Variants in GRIK4 observed in about 807,000 individuals in gnomAD.
The protein encoded by GRIK4 is glutamate receptor ionotropic, kainate 4.
GRIK4 carries 40 observed loss-of-function variants against 104.9 expected under a neutral mutation model. The ratio of observed to expected loss-of-function variants is 0.38; its 90% CI spans 0.30 to 0.50. The LOEUF (loss-of-function observed/expected upper bound fraction) is 0.50, where lower values mean the gene tolerates loss of function less well. GRIK4 is among the 20% of genes least tolerant of loss of function. GRIK4 has a pLI of 0.93. For missense variants in GRIK4, 1,047 were observed against 1,308.1 expected, an observed-to-expected ratio of 0.80 and a Z score of 3.08; for synonymous variants, 485 against 524.9, an observed-to-expected ratio of 0.92 and a Z score of 1.04.
rs1446673011 is a variant in GRIK4 at position 120,644,044 on chromosome 11, T to TGTGTGAGA, written c.-158-9640_-158-9639insTGTGAGAG. Among the ~76,000 whole-genome samples the TGTGTGAGA allele has an allele frequency of 5.9e-4, 67 of 112,678 alleles. 1 individual carries two copies. The highest frequency in any genetic ancestry group is 2.5e-3 in the African/African-American group (65 of 26,350). The allele number at this position is 112,678 out of a possible 152,430, so 73.9% of individuals were successfully genotyped here. A position where few individuals can be genotyped will look rare whatever the true frequency, so the allele number is the denominator to read the frequency against. On this transcript the variant is annotated intron_variant, in intron 1 of 20. Transcript: ENST00000527524. ...GTGTGTGTGTGTGTGTGTGTGTGTG[T>TGTGTGAGA]GAGAGAGAGAGAGAGGAGAGAGAGA...
intron 9 of GRIK4, 77 bp from the exon 10 acceptor site, chr11:120,873,989 T>C: frequency 7.6e-7 from 1 of 1,308,008 alleles, no homozygotes; most frequent in Non-Finnish European, 1.1e-6. Context: ...TCCATTCCTC[T>C]TATTTTCTCC....
At chr11:120,899,045 G>A (rs1420338885) in intron 12 of GRIK4, among the ~76,000 whole-genome samples, 1 of 152,182 alleles carries the variant, frequency 6.6e-6, no homozygotes, top group East Asian at 1.9e-4. Context: ...ACCACATCCT[G>A]AAGCGGACAT....
chr11:120,741,833 C>A (rs558339147), intron 3 of GRIK4, among the ~76,000 whole-genome samples: 1 of 152,194 alleles, frequency 6.6e-6, no homozygotes, highest in Non-Finnish European at 1.5e-5. Flanking sequence ...TCATTCATTC[C>A]GACCAGCAAA....
At chr11:120,835,588 T>A (rs941451127) in intron 7 of GRIK4, among the ~76,000 whole-genome samples, 1 of 152,094 alleles carries the variant, frequency 6.6e-6, no homozygotes, top group Admixed American at 6.6e-5. Context: ...CCTTGGGAGA[T>A]GAACACTATG....
At chr11:120,838,122 T>A (rs1409425178) in intron 8 of GRIK4, among the ~76,000 whole-genome samples, 33 of 152,198 alleles carry the variant, frequency 2.2e-4, no homozygotes, top group Non-Finnish European at 8.8e-5. Flanking sequence ...GTACCACTAT[T>A]TCCCATTCAT....
chr11:120,985,821 T>TTCATCCC, intron 20 of GRIK4, 83 bp from the exon 21 acceptor site: 1 of 1,290,790 alleles, frequency 7.7e-7, no homozygotes, highest in South Asian at 1.3e-5. Context: ...CGCTGCCCCC[T>TTCATCCC]TCATCCCTCA....
At chr11:120,759,175 G>A (rs1278787013) in intron 3 of GRIK4, among the ~76,000 whole-genome samples, 1 of 152,204 alleles carries the variant, frequency 6.6e-6, no homozygotes, top group African/African-American at 2.4e-5. Flanking sequence ...GCAAGAGCTG[G>A]GGAGTGGAGA....
intron 1 of GRIK4, among the ~76,000 whole-genome samples, chr11:120,628,418 C>T (rs990430072): frequency 6.6e-6 from 1 of 152,216 alleles, no homozygotes; most frequent in Non-Finnish European, 1.5e-5. Context: ...AAGGATGTGA[C>T]TCTTGACCTG....
intron 3 of GRIK4, among the ~76,000 whole-genome samples, chr11:120,763,289 T>TC (rs1951780144): frequency 6.6e-6 from 1 of 152,186 alleles, no homozygotes; most frequent in African/African-American, 2.4e-5. Context: ...TCAGTGGTGA[T>TC]CCCCCCTTTA....
chr11:120,521,590 T>G (rs1711010510), intron 1 of GRIK4, among the ~76,000 whole-genome samples: 1 of 152,160 alleles, frequency 6.6e-6, no homozygotes, highest in Non-Finnish European at 1.5e-5. Context: ...TCCTGCCCCT[T>G]GCCCAGGGCT....
chr11:120,940,313 C>A lies in GRIK4; in HGVS notation c.1477-34C>A. ...GTCTCTGTGCCTCTTCTCCTATGGC[C>A]ACCCCACTGACGGGCTGTCTCTGTT... On this transcript the variant is annotated intron_variant, in intron 13 of 20. Transcript: ENST00000527524. This position sits in a 1 kb window ranked among gnomAD's most constrained non-coding sequence, Gnocchi z 4.3. 2 of 1,347,928 alleles carry A rather than the reference C, an allele frequency of 1.5e-6. No individual in the cohort carries two copies. The highest frequency in any genetic ancestry group is 1.4e-5 in the African/African-American group (1 of 69,546). The allele number at this position is 1,347,928 out of a possible 1,614,324, so 83.5% of individuals were successfully genotyped here.
At chr11:120,857,334 G>A (rs1000010501) in intron 8 of GRIK4, among the ~76,000 whole-genome samples, 1 of 152,142 alleles carries the variant, frequency 6.6e-6, no homozygotes, top group African/African-American at 2.4e-5. Context: ...GAAAGTGAGG[G>A]GCGCCCTTCC....
In GRIK4 at chr11:120,960,230, G is replaced by A. The variant is rs184922748; in HGVS notation, c.1875-679G>A. Among the ~76,000 whole-genome samples, 9 of 152,284 alleles carry A rather than the reference G, an allele frequency of 5.9e-5. No individual in the cohort carries two copies. The East Asian group carries it at 7.7e-4, about 13-fold the overall frequency. ...TATAGTTTCAGCTACTCAGGAGGCC[G>A]AGGCAGGAGAATCACTTGAATCCAC... On this transcript the variant is annotated intron_variant, in intron 16 of 20. Transcript: ENST00000527524.
intron 9 of GRIK4, among the ~76,000 whole-genome samples, chr11:120,865,103 CA>C (rs1355216204): frequency 6.6e-6 from 1 of 152,220 alleles, no homozygotes; most frequent in African/African-American, 2.4e-5. Context: ...CTGGAATAGG[CA>C]TTACTAAATA....
intron 3 of GRIK4, among the ~76,000 whole-genome samples, chr11:120,707,433 G>T (rs1950649198): frequency 1.3e-5 from 2 of 152,158 alleles, no homozygotes; most frequent in Non-Finnish European, 2.9e-5. Context: ...GCACATTTGT[G>T]TGTCTACACA....
intron 13 of GRIK4, among the ~76,000 whole-genome samples, chr11:120,931,762 T>C (rs938175250): frequency 1.3e-5 from 2 of 152,204 alleles, no homozygotes; most frequent in African/African-American, 4.8e-5. Flanking sequence ...GTTAGCTGTA[T>C]TGATATTACA....
intron 9 of GRIK4, chr11:120,869,454 A>T (rs1166968610): frequency 1.3e-5 from 2 of 152,460 alleles, no homozygotes; most frequent in Non-Finnish European, 2.9e-5. Flanking sequence ...CAGCATCCCT[A>T]GCTGGCATTA....
intron 3 of GRIK4, among the ~76,000 whole-genome samples, chr11:120,661,157 G>A (rs1949807968): frequency 1.3e-5 from 2 of 152,222 alleles, no homozygotes; most frequent in Admixed American, 1.3e-4. Flanking sequence ...CAGGCGCAGT[G>A]TGGTCATCTG....
At chr11:120,556,498 CT>C (rs1428886378) in intron 1 of GRIK4, among the ~76,000 whole-genome samples, 1 of 152,170 alleles carries the variant, frequency 6.6e-6, no homozygotes, top group Non-Finnish European at 1.5e-5. Flanking sequence ...CCCTCCACCC[CT>C]GACCCCAGTC....
Sources: gnomAD v4.1 joint callset for allele counts (sites outside exome capture counted in the v4.1 genomes callset) on GRCh38, gnomAD v4.1.1 for gene constraint, Gnocchi (gnomAD v3.1) non-coding constraint, MANE v1.5 for transcripts, NCBI Gene and HGNC (gene_info 2026-07-23, HGNC 2026-07-21) for gene names.